Variants in CPA6 observed in about 807,000 individuals in gnomAD.
The protein encoded by CPA6 is carboxypeptidase B.
CPA6 carries 58 observed loss-of-function variants against 63.3 expected under a neutral mutation model. The ratio of observed to expected loss-of-function variants is 0.92; its 90% CI spans 0.74 to 1.14. The LOEUF is 1.14. Among genes scored for constraint, CPA6 ranks in the 50% most tolerant of loss-of-function variants. CPA6 has a pLI of 0.00. For synonymous variants in CPA6, 185 were observed against 179.0 expected (o/e 1.03, Z -0.27); for missense variants, 565 against 526.6 (o/e 1.07, Z -0.71).
chr8:67,519,950 G>A (rs1009027418), intron 2 of CPA6, among the ~76,000 whole-genome samples: 10 of 151,362 alleles, frequency 6.6e-5, no homozygotes, highest in Non-Finnish European at 1.3e-4. Flanking sequence ...TTTTTTTGGC[G>A]TTCTATTCTT....
At chr8:67,736,880 C>T (rs1161750056) in intron 1 of CPA6, among the ~76,000 whole-genome samples, 1 of 152,194 alleles carries the variant, frequency 6.6e-6, no homozygotes, top group Non-Finnish European at 1.5e-5. Flanking sequence ...ACGCTATTCC[C>T]TCTGTGAAAT....
intron 1 of CPA6, among the ~76,000 whole-genome samples, chr8:67,692,042 G>A (rs1197072662): frequency 6.6e-6 from 1 of 152,084 alleles, no homozygotes; most frequent in Non-Finnish European, 1.5e-5. Flanking sequence ...CAATTTTAAA[G>A]AACAAGAGAT....
intron 1 of CPA6, among the ~76,000 whole-genome samples, chr8:67,713,198 T>TA (rs1304902011): frequency 6.9e-6 from 1 of 145,676 alleles, no homozygotes; most frequent in Non-Finnish European, 1.5e-5. Flanking sequence ...CTGGAACATA[T>TA]CCCCCGTGAA....
At chr8:67,555,923 G>A (rs1048824947) in intron 2 of CPA6, among the ~76,000 whole-genome samples, 4 of 152,086 alleles carry the variant, frequency 2.6e-5, no homozygotes, top group African/African-American at 9.7e-5. Flanking sequence ...AATTGCTTTC[G>A]CCAAGAAGTG....
rs139635190 is a variant in CPA6 at position 67,637,740 on chromosome 8, A to G, written c.117-13489T>C. Among the ~76,000 whole-genome samples the G allele has an allele frequency of 1.6e-4, 25 of 151,558 alleles. 2 individuals are homozygous for G. Among genetic ancestry groups the G allele is most frequent in the African/African-American group, 6.1e-4 (25 of 40,858 alleles). On this transcript the variant is annotated intron_variant, in intron 1 of 10. Coordinates refer to ENST00000297770, the MANE Select transcript of CPA6 (RefSeq NM_020361.5). ...CTGTTTCATAAACTACATAGAAAAT[A>G]TGTAGTAAAAAGGTTTAGCTGCAGT...
At chr8:67,514,273 C>T (rs150650940) in intron 3 of CPA6, among the ~76,000 whole-genome samples, 66 of 152,164 alleles carry the variant, frequency 4.3e-4, no homozygotes, top group African/African-American at 1.5e-3. Context: ...ATAGAAATTT[C>T]ATCACCAACG....
chr8:67,627,898 G>A (rs1008357580), intron 1 of CPA6, among the ~76,000 whole-genome samples: 9 of 152,158 alleles, frequency 5.9e-5, no homozygotes, highest in African/African-American at 1.4e-4. Flanking sequence ...AACTATTACC[G>A]AATGCCTTCT....
Position 67,434,147 on chromosome 8 carries a change from C to G in CPA6, c.932G>C (p.Arg311Pro), listed in dbSNP as rs143321447. Residue 311 changes from arginine (R) to proline (P), a missense_variant, in exon 9 of 11, where the codon CGA becomes CCA. By Grantham distance (103) the Arg-to-Pro change is moderately radical. Transcript: ENST00000297770. ...AGCCCTAATGTGCTTTCTGTGTTTT[C>G]GAAGGAAGTTAGCTACAGCCTTCAC... ...PEVKAVANFL[R>P]KHRKHIRAYL... 6 of 1,613,904 alleles carry G rather than the reference C, an allele frequency of 3.7e-6. No homozygotes were observed. The Admixed American group carries it at 1.0e-4, about 27-fold the overall frequency.
At chr8:67,467,545 T>C (rs1344938911) in intron 8 of CPA6, among the ~76,000 whole-genome samples, 4 of 152,198 alleles carry the variant, frequency 2.6e-5, no homozygotes, top group Non-Finnish European at 5.9e-5. Flanking sequence ...CCTCTGCTTC[T>C]CTGTCTTGCT....
intron 1 of CPA6, among the ~76,000 whole-genome samples, chr8:67,634,307 C>T (rs1268492938): frequency 6.7e-6 from 1 of 150,176 alleles, no homozygotes; most frequent in African/African-American, 2.5e-5. Context: ...ACAAGCTCCG[C>T]CTCCCGCATT....
At chr8:67,496,566 AT>A (rs539068593) in intron 6 of CPA6, among the ~76,000 whole-genome samples, 3,842 of 88,978 alleles carry the variant, frequency 0.043, 239 homozygotes, top group African/African-American at 0.15. Context: ...TATTTATTTT[AT>A]TTTTTTTTTT....
chr8:67,671,606 C>T (rs757453771), intron 1 of CPA6, among the ~76,000 whole-genome samples: 9 of 152,160 alleles, frequency 5.9e-5, no homozygotes, highest in African/African-American at 1.4e-4. Context: ...TTGCTTTCCT[C>T]GAATCTGAAA....
In CPA6 at chr8:67,615,662, C is replaced by T. The variant is rs150957035; in HGVS notation, c.192+8514G>A. On this transcript the variant is annotated intron_variant, in intron 2 of 10. Coordinates refer to ENST00000297770, the MANE Select transcript of CPA6 (RefSeq NM_020361.5). ...GAAGAGTCACTAGTCCTTGCTCTTC[C>T]ATCAGTGCCTCCATATCCACCATAT... Among the ~76,000 whole-genome samples the T allele has an allele frequency of 3.6e-3, 548 of 152,250 alleles. 3 individuals are homozygous for T. The highest frequency in any genetic ancestry group is 0.012 in the African/African-American group (505 of 41,544).
intron 1 of CPA6, among the ~76,000 whole-genome samples, chr8:67,731,479 A>G (rs375974820): frequency 6.6e-6 from 1 of 152,240 alleles, no homozygotes; most frequent in Non-Finnish European, 1.5e-5. Flanking sequence ...CTCTGTCTGA[A>G]TATTTCCAGC....
At chr8:67,500,305 G>A (rs1811805787) in intron 6 of CPA6, among the ~76,000 whole-genome samples, 1 of 151,942 alleles carries the variant, frequency 6.6e-6, no homozygotes, top group Non-Finnish European at 1.5e-5. Context: ...CATCTTTTTT[G>A]CGTGTGCTTA....
At chr8:67,537,029 A>C (rs1812599593) in intron 2 of CPA6, among the ~76,000 whole-genome samples, 1 of 152,202 alleles carries the variant, frequency 6.6e-6, no homozygotes, top group Non-Finnish European at 1.5e-5. Flanking sequence ...CCAGACTTGC[A>C]TCCCAGGGAT....
At chr8:67,567,439 TA>T (rs1813366958) in intron 2 of CPA6, among the ~76,000 whole-genome samples, 1 of 152,180 alleles carries the variant, frequency 6.6e-6, no homozygotes, top group South Asian at 2.1e-4. Context: ...TGAATAAACA[TA>T]GGAGTTTTGC....
chr8:67,489,380 C>T (rs975592405), intron 6 of CPA6, among the ~76,000 whole-genome samples: 1 of 152,076 alleles, frequency 6.6e-6, no homozygotes, highest in South Asian at 2.1e-4. Flanking sequence ...TAGTTGCATT[C>T]TATATGTCTA....
chr8:67,575,742 C>A (rs188161267), intron 2 of CPA6, among the ~76,000 whole-genome samples: 2 of 151,930 alleles, frequency 1.3e-5, no homozygotes, highest in African/African-American at 4.8e-5. Flanking sequence ...CCTGTAATCC[C>A]AGCTACCTGG....
Sources: gnomAD v4.1 joint callset for allele counts (sites outside exome capture counted in the v4.1 genomes callset) on GRCh38, gnomAD v4.1.1 for gene constraint, MANE v1.5 for transcripts, NCBI Gene and HGNC (gene_info 2026-07-23, HGNC 2026-07-21) for gene names.